ELAVL4: variants seen among roughly 807,000 people sequenced by gnomAD.
ELAVL4 encodes ELAV like RNA binding protein 4.
In ELAVL4, 1 loss-of-function variant was observed where a neutral mutation model predicts 35.6. The observed-to-expected ratio is 0.03, with a 90% CI of 0.01 to 0.13. The LOEUF is 0.13. ELAVL4 is among the 10% of genes least tolerant of loss of function. The pLI, the probability that ELAVL4 is intolerant of heterozygous loss-of-function variation, is 1.00. For synonymous variants in ELAVL4, 156 were observed against 171.0 expected (o/e 0.91, Z 0.69); for missense variants, 267 against 464.9 (o/e 0.57, Z 3.91).
intron 3 of ELAVL4, among the ~76,000 whole-genome samples, chr1:50,191,644 G>A (rs898302449): frequency 2.0e-5 from 3 of 152,262 alleles, no homozygotes; most frequent in Admixed American, 6.5e-5. Flanking sequence ...AGGTTGAAAC[G>A]GGTTAAGTAC....
intron 1 of ELAVL4, among the ~76,000 whole-genome samples, chr1:50,079,974 T>A (rs926368790): frequency 6.6e-6 from 1 of 152,150 alleles, no homozygotes; most frequent in Non-Finnish European, 1.5e-5. Flanking sequence ...GCGTATGCCA[T>A]CCTATTTTAA....
At chr1:50,145,235 T>C in intron 2 of ELAVL4, 38 bp downstream of exon 2, 2 of 1,611,090 alleles carry the variant, frequency 1.2e-6, no homozygotes, top group Non-Finnish European at 1.7e-6. Flanking sequence ...TTCCATTAGA[T>C]GTGCAGATCT....
intron 1 of ELAVL4, among the ~76,000 whole-genome samples, chr1:50,090,503 T>C (rs564925393): frequency 6.6e-6 from 1 of 152,288 alleles, no homozygotes; most frequent in East Asian, 1.9e-4. Flanking sequence ...AATAGGCCAA[T>C]TACTGTAACA....
chr1:50,097,215 C>G (rs576555518), intron 1 of ELAVL4, among the ~76,000 whole-genome samples: 3 of 152,172 alleles, frequency 2.0e-5, no homozygotes, highest in African/African-American at 7.2e-5. Flanking sequence ...GCAAGACCTT[C>G]TCTCAAAAAG....
At chr1:50,100,787 T>C (rs1665936738), upstream of ELAVL4, among the ~76,000 whole-genome samples, 1 of 152,230 alleles carries the variant, frequency 6.6e-6, no homozygotes, top group African/African-American at 2.4e-5. Flanking sequence ...CAGCAGGCAC[T>C]TTTTTATTAG....
At chr1:50,105,055 TAA>T (rs1254478755), upstream of ELAVL4, among the ~76,000 whole-genome samples, 3 of 152,212 alleles carry the variant, frequency 2.0e-5, no homozygotes, top group African/African-American at 7.2e-5. Flanking sequence ...ATTGTATTTT[TAA>T]AAGAGAGGCT....
At position 50,164,172 on chromosome 1, in the gene ELAVL4, G is replaced by C. The variant is rs142905000; in HGVS notation, c.251-12917G>C. Among the ~76,000 whole-genome samples, 479 of 152,272 alleles carry C rather than the reference G, an allele frequency of 3.1e-3. 5 individuals carry two copies. Among genetic ancestry groups the C allele is most frequent in the African/African-American group, 0.011 (458 of 41,554 alleles). On this transcript the variant is annotated intron_variant, in intron 2 of 6. Coordinates refer to ENST00000371824, the MANE Select transcript of ELAVL4 (RefSeq NM_001144774.3). ...GCTATTATTTTTATTTTCTCAGTTA[G>C]AAATAAGTATAAACTGAAACCCACT...
intron 1 of ELAVL4, among the ~76,000 whole-genome samples, chr1:50,083,240 T>C (rs959592739): frequency 6.6e-6 from 1 of 152,130 alleles, no homozygotes; most frequent in Non-Finnish European, 1.5e-5. Flanking sequence ...TTATTTTTTT[T>C]ATTTTTTGAG....
chr1:50,061,181 T>A (rs1663945350), intron 1 of ELAVL4, among the ~76,000 whole-genome samples: 1 of 152,222 alleles, frequency 6.6e-6, no homozygotes, highest in African/African-American at 2.4e-5. Context: ...GATATTTACA[T>A]AATAGCTTTG....
At chr1:50,197,374 G>C in intron 5 of ELAVL4, 55 bp from the exon 6 acceptor site, 1 of 1,524,130 alleles carries the variant, frequency 6.6e-7, no homozygotes, top group Admixed American at 2.4e-5. Context: ...TAGTTCCATT[G>C]AGCGATCTTG....
At chr1:50,168,006 AC>A (rs1348937389) in intron 2 of ELAVL4, among the ~76,000 whole-genome samples, 1 of 152,158 alleles carries the variant, frequency 6.6e-6, no homozygotes, top group Non-Finnish European at 1.5e-5. Flanking sequence ...CAAAGTGCAC[AC>A]CCAGGTGCAC....
chr1:50,166,822 G>GC (rs766557880), intron 2 of ELAVL4, among the ~76,000 whole-genome samples: 1 of 152,266 alleles, frequency 6.6e-6, no homozygotes, highest in Non-Finnish European at 1.5e-5. Context: ...AGCCAACACT[G>GC]CAACTCCCTT....
intron 2 of ELAVL4, among the ~76,000 whole-genome samples, chr1:50,158,983 T>A (rs997023735): frequency 1.4e-5 from 2 of 146,512 alleles, no homozygotes; most frequent in African/African-American, 5.1e-5. Context: ...GTTGCAGCAG[T>A]GAGCCGAGAT....
chr1:50,072,060 G>T (rs1256819219), intron 1 of ELAVL4, among the ~76,000 whole-genome samples: 1 of 152,098 alleles, frequency 6.6e-6, no homozygotes, highest in Admixed American at 6.5e-5. Flanking sequence ...TAGTGTTAAT[G>T]ATTATTTTCT....
intron 6 of ELAVL4, among the ~76,000 whole-genome samples, chr1:50,199,627 G>T (rs1396135857): frequency 1.3e-5 from 2 of 151,598 alleles, no homozygotes; most frequent in Non-Finnish European, 2.9e-5. Flanking sequence ...AGAATCACTT[G>T]AACCCGGGAG....
At chr1:50,095,539 TA>T (rs1665684681) in intron 1 of ELAVL4, among the ~76,000 whole-genome samples, 1 of 152,022 alleles carries the variant, frequency 6.6e-6, no homozygotes, top group Non-Finnish European at 1.5e-5. Flanking sequence ...TATATTTATA[TA>T]ATATATAATT....
At chr1:50,134,035 C>T (rs1671482362) in intron 1 of ELAVL4, among the ~76,000 whole-genome samples, 1 of 152,144 alleles carries the variant, frequency 6.6e-6, no homozygotes, top group Admixed American at 6.5e-5. Context: ...CTCTTCCTCA[C>T]CCTGGTTATG....
At chr1:50,141,783 C>T (rs1672865297) in intron 1 of ELAVL4, 1 of 152,194 alleles carries the variant, frequency 6.6e-6, no homozygotes, top group Non-Finnish European at 1.5e-5. Context: ...CTTCTAGAAT[C>T]CTAAAGTTGA....
At chr1:50,161,317 A>G (rs1254337045) in intron 2 of ELAVL4, among the ~76,000 whole-genome samples, 1 of 152,092 alleles carries the variant, frequency 6.6e-6, no homozygotes, top group Non-Finnish European at 1.5e-5. Flanking sequence ...TTGTAAGAAT[A>G]TTCTGAACAT....
Sources: gnomAD v4.1 joint callset for allele counts (sites outside exome capture counted in the v4.1 genomes callset) on GRCh38, gnomAD v4.1.1 for gene constraint, MANE v1.5 for transcripts, NCBI Gene and HGNC (gene_info 2026-07-23, HGNC 2026-07-21) for gene names.